Variants in SASS6 observed in about 807,000 individuals in gnomAD.
SASS6 encodes the protein SAS-6 centriolar assembly protein.
SASS6 carries 59 observed loss-of-function variants against 94.9 expected under a neutral mutation model. The ratio of observed to expected loss-of-function variants is 0.62; its 90% CI spans 0.50 to 0.77. The LOEUF (loss-of-function observed/expected upper bound fraction) is 0.77, where lower values mean the gene tolerates loss of function less well. SASS6 is among the 30% of genes least tolerant of loss of function. The pLI, the probability that SASS6 is intolerant of heterozygous loss-of-function variation, is 0.00. For synonymous variants in SASS6, 264 were observed against 270.0 expected (o/e 0.98, Z 0.22); for missense variants, 698 against 734.1 (o/e 0.95, Z 0.57).
chr1:100,092,855 G>A (rs770641517), intron 14 of SASS6, among the ~76,000 whole-genome samples: 17 of 151,790 alleles, frequency 1.1e-4, no homozygotes, highest in African/African-American at 3.4e-4. Context: ...GATTACAGGC[G>A]TAAGGGACCA....
intron 16 of SASS6, 46 bp from the exon 17 acceptor site, chr1:100,085,480 C>A (rs1384089746): frequency 6.4e-7 from 1 of 1,559,006 alleles, no homozygotes; most frequent in African/African-American, 1.4e-5. Context: ...ATTAAGTCTT[C>A]ATACATTAAA....
chr1:100,105,440 T>C (rs371189959), intron 13 of SASS6, among the ~76,000 whole-genome samples: 15 of 151,532 alleles, frequency 9.9e-5, no homozygotes, highest in South Asian at 6.2e-4. Flanking sequence ...GGCAGGAGAA[T>C]GGTGTGAACC....
chr1:100,114,036 A>G (rs1653602839), intron 7 of SASS6, among the ~76,000 whole-genome samples: 1 of 152,064 alleles, frequency 6.6e-6, no homozygotes, highest in Admixed American at 6.5e-5. Flanking sequence ...ATAAAAACAC[A>G]TAGATGAAAC....
At chr1:100,089,796 T>C (rs1222995399) in intron 14 of SASS6, among the ~76,000 whole-genome samples, 2 of 151,918 alleles carry the variant, frequency 1.3e-5, no homozygotes, top group African/African-American at 4.8e-5. Context: ...GATGAAAATT[T>C]AGATCTACAT....
chr1:100,123,279 A>G lies in SASS6; in HGVS notation c.137T>C (p.Ile46Thr). ...TGGATCCGTGTCATCAGTCAGACGA[A>G]TAACTAAGTCCTAAAAGAAAGTTTG... ...SNPVHRKDLV[I>T]RLTDDTDPFF... The change falls in exon 3 of 17, where the codon ATT becomes ACT. Residue 46 changes from isoleucine (I) to threonine (T), a missense_variant. Ile to Thr is a moderately conservative substitution (Grantham distance 89). Transcript: ENST00000287482. The G allele has an allele frequency of 6.6e-7, 1 of 1,525,162 alleles. No individual in the cohort carries two copies. Among genetic ancestry groups the G allele is most frequent in the Non-Finnish European group, 9.0e-7 (1 of 1,108,864 alleles). The allele number at this position is 1,525,162 out of a possible 1,614,324, so 94.5% of individuals were successfully genotyped here.
At chr1:100,111,071 T>C (rs1044945219) in intron 7 of SASS6, among the ~76,000 whole-genome samples, 7 of 152,036 alleles carry the variant, frequency 4.6e-5, no homozygotes, top group African/African-American at 1.7e-4. Flanking sequence ...AAACCTATCT[T>C]AGTAACTTTT....
intron 14 of SASS6, among the ~76,000 whole-genome samples, chr1:100,095,842 A>G (rs1652070379): frequency 6.6e-6 from 1 of 152,258 alleles, no homozygotes; most frequent in African/African-American, 2.4e-5. Context: ...ACTTAAGAAT[A>G]AATTCAACAG....
At chr1:100,119,181 T>C (rs1205993409) in intron 6 of SASS6, 44 bp from the exon 7 acceptor site, 3 of 1,146,046 alleles carry the variant, frequency 2.6e-6, no homozygotes, top group Non-Finnish European at 3.7e-6. Flanking sequence ...GGCTCCTTAA[T>C]ATGTAATAAT....
chr1:100,087,245 A>AGTG (rs1651364516), intron 15 of SASS6, among the ~76,000 whole-genome samples: 1 of 152,182 alleles, frequency 6.6e-6, no homozygotes. Flanking sequence ...GGCCTCCCAA[A>AGTG]GTGTTGGGAT....
At chr1:100,113,462 T>A (rs1449828591) in intron 7 of SASS6, among the ~76,000 whole-genome samples, 1 of 150,104 alleles carries the variant, frequency 6.7e-6, no homozygotes, top group East Asian at 2.0e-4. Flanking sequence ...CAAAAAAAAG[T>A]ACAAAAAAAT....
At chr1:100,094,675 T>G (rs1011893523) in intron 14 of SASS6, among the ~76,000 whole-genome samples, 2 of 152,064 alleles carry the variant, frequency 1.3e-5, no homozygotes, top group African/African-American at 2.4e-5. Context: ...AAGACTAGCC[T>G]AGCCAACAGG....
At chr1:100,087,703 G>A (rs1346237596) in intron 15 of SASS6, among the ~76,000 whole-genome samples, 4 of 152,066 alleles carry the variant, frequency 2.6e-5, no homozygotes, top group Non-Finnish European at 5.9e-5. Flanking sequence ...TTAACTAGCT[G>A]GTATTTTAGA....
rs1491055490 is a variant in SASS6, at chr1:100,093,198, T to TTG, written c.1675-4963_1675-4962insCA. 3.5e-5 allele frequency among the ~76,000 whole-genome samples: 5 copies of TTG among 143,912 alleles called. No homozygotes were observed. In the East Asian group the frequency reaches 1.0e-3, roughly 29 times the overall value. 94.4% of individuals were successfully genotyped at this position (143,912 alleles called of 152,430 possible). A position where few individuals can be genotyped will look rare whatever the true frequency, so the allele number is the denominator to read the frequency against. On this transcript the variant is annotated intron_variant, in intron 14 of 16. Transcript: ENST00000287482. ...TCTTTTTTTTTTTTTTTTTTTTTTT[T>TTG]GTGAGACCTCTCACTCTATTGCCCA...
intron 1 of SASS6, among the ~76,000 whole-genome samples, chr1:100,126,461 T>C (rs953144602): frequency 6.6e-6 from 1 of 152,228 alleles, no homozygotes; most frequent in Non-Finnish European, 1.5e-5. Context: ...AACTGATTAA[T>C]GAGAGACTGA....
intron 7 of SASS6, among the ~76,000 whole-genome samples, chr1:100,115,166 C>A (rs1039330661): frequency 6.6e-6 from 1 of 152,012 alleles, no homozygotes. Context: ...CCTGGAAAAC[C>A]TAAGAGAATC....
chr1:100,119,024 G>C lies in SASS6; in HGVS notation c.663C>G (p.Ala221=). Residue 221 remains alanine (A), a synonymous_variant, in exon 7 of 17, where the codon GCC becomes GCG. Transcript: ENST00000287482. ...SQELTNEKEK[A]LQAQVQYQQQ... ...TTTCCTTTAATGTTCTTACCTGCAA[G>C]GCTTTTTCCTTTTCATTTGTCAGTT... 1 of 1,564,184 alleles carries C rather than the reference G, an allele frequency of 6.4e-7. No individual in the cohort carries two copies. Among genetic ancestry groups the C allele is most frequent in the Non-Finnish European group, 8.7e-7 (1 of 1,152,570 alleles).
chr1:100,106,790 G>C, intron 12 of SASS6, 122 bp downstream of exon 12: 1 of 581,164 alleles, frequency 1.7e-6, no homozygotes, highest in Non-Finnish European at 3.1e-6. Flanking sequence ...AGTGGTGGAG[G>C]CTGCAGTGAG....
At chr1:100,126,485 A>G (rs1654632453) in intron 1 of SASS6, among the ~76,000 whole-genome samples, 1 of 152,212 alleles carries the variant, frequency 6.6e-6, no homozygotes, top group South Asian at 2.1e-4. Context: ...CATTTTAAAA[A>G]CTTAGTATGT....
intron 1 of SASS6, 37 bp downstream of exon 1, chr1:100,132,713 A>G (rs1218923028): frequency 6.3e-6 from 10 of 1,580,538 alleles, no homozygotes; most frequent in Admixed American, 3.3e-5. Flanking sequence ...CCTGACCCCA[A>G]CCGCCACCCG....
Sources: gnomAD v4.1 joint callset for allele counts (sites outside exome capture counted in the v4.1 genomes callset) on GRCh38, gnomAD v4.1.1 for gene constraint, MANE v1.5 for transcripts, NCBI Gene and HGNC (gene_info 2026-07-23, HGNC 2026-07-21) for gene names.